The following PSMA8 variants were observed in gnomAD, a reference collection of about 807,000 sequenced individuals.
PSMA8 encodes proteasome 20S subunit alpha 8.
A neutral mutation model predicts 32.4 loss-of-function variants in PSMA8; 18 were observed. The observed-to-expected ratio is 0.56, with a 90% CI of 0.38 to 0.82. The LOEUF is 0.82. Among genes scored for constraint, PSMA8 ranks in the 40% least tolerant of loss-of-function variants. The probability of loss-of-function intolerance (pLI) is 0.00; values close to 1 mark genes in which losing one functional copy is unlikely to be tolerated. For missense variants in PSMA8, 298 were observed against 300.7 expected, an observed-to-expected ratio of 0.99 and a Z score of 0.07; for synonymous variants, 104 against 98.1, an observed-to-expected ratio of 1.06 and a Z score of -0.36.
chr18:26,171,391 T>C, intron 4 of PSMA8: 1 of 1,194,034 alleles, frequency 8.4e-7, no homozygotes. Context: ...AGCAGACTAA[T>C]ATAACGTGTA....
At chr18:26,164,787 TTAGA>T (rs569262810) in intron 4 of PSMA8, among the ~76,000 whole-genome samples, 91 of 152,332 alleles carry the variant, frequency 6.0e-4, no homozygotes, top group African/African-American at 1.9e-3. Flanking sequence ...GGATTGTATA[TTAGA>T]TAATGTTGTG....
rs534639436 is a variant in PSMA8, at chr18:26,186,248, C to CAAA, written c.661-6044_661-6042dup. Among the ~76,000 whole-genome samples the CAAA allele has an allele frequency of 4.0e-4, 11 of 27,842 alleles. 3 individuals carry two copies. Among genetic ancestry groups the CAAA allele is most frequent in the African/African-American group, 3.4e-4 (5 of 14,792 alleles). 18.3% of individuals were successfully genotyped at this position (27,842 alleles called of 152,430 possible). ...TGGGCAACACAGGGAGACTCTGTCTCAAAAAAAAAAAAAAAAAAAAAAAAA... is the reference window on the plus strand; with the variant it reads ...TGGGCAACACAGGGAGACTCTGTCTCAAAAAAAAAAAAAAAAAAAAAAAAAAAA... On this transcript the variant is annotated intron_variant, in intron 6 of 6. Coordinates refer to ENST00000415576, the MANE Select transcript of PSMA8 (RefSeq NM_001025096.2).
intron 4 of PSMA8, among the ~76,000 whole-genome samples, chr18:26,161,574 G>A (rs528157770): frequency 1.1e-4 from 17 of 152,290 alleles, no homozygotes; most frequent in African/African-American, 3.1e-4. Flanking sequence ...TACTATGATG[G>A]TGAAGAAAGC....
chr18:26,171,235 C>G lies in PSMA8; in HGVS notation c.478-7595C>G, dbSNP rs1243885406. The G allele has an allele frequency of 7.4e-5, 115 of 1,558,982 alleles. 9 individuals are homozygous for G. The highest frequency in any genetic ancestry group is 9.1e-5 in the Non-Finnish European group (107 of 1,170,568). Reference sequence around the variant, plus strand: ...GGCCAGGGCAGGTCCCCGTTCTTGCCGATGCCCATGTTCTGGGACACAGCG... The same window carrying G: ...GGCCAGGGCAGGTCCCCGTTCTTGCGGATGCCCATGTTCTGGGACACAGCG... On this transcript the variant is annotated intron_variant, in intron 4 of 6. Transcript: ENST00000415576.
At chr18:26,186,206 G>T (rs12327092) in intron 6 of PSMA8, among the ~76,000 whole-genome samples, 3 of 124,468 alleles carry the variant, frequency 2.4e-5, no homozygotes, top group African/African-American at 9.1e-5. Context: ...CTGAGATCAC[G>T]CCACTGCACT....
chr18:26,144,925 T>G (rs1679092004), intron 2 of PSMA8, among the ~76,000 whole-genome samples: 1 of 152,058 alleles, frequency 6.6e-6, no homozygotes, highest in Non-Finnish European at 1.5e-5. Flanking sequence ...TTTTCAAAAC[T>G]TTTTATTTTT....
In PSMA8 at chr18:26,191,947, C is replaced by T. The variant is rs183396851; in HGVS notation, c.661-372C>T. Among the ~76,000 whole-genome samples the T allele has an allele frequency of 9.2e-5, 14 of 152,196 alleles. No homozygotes were observed. In the East Asian group the frequency reaches 2.1e-3, roughly 23 times the overall value. On this transcript the variant is annotated intron_variant, in intron 6 of 6. Transcript: ENST00000415576. ...CTATAAACTGATCAAATTATTAAAC[C>T]CTATCAGAGAATCACACAGTAGGGT...
rs757958686 is a variant in PSMA8, at chr18:26,151,901, G to A, written c.273G>A (p.Val91=). Residue 91 remains valine (V), a synonymous_variant, in exon 3 of 7, where the codon GTG becomes GTA. Transcript: ENST00000415576. ...DARVVINRAR[V]ECQSHKLTVE... ...GAGTAGTAATAAACAGAGCCCGTGT[G>A]GAGTGCCAGAGCCATAAGCTTACGG... The A allele has an allele frequency of 1.5e-4, 240 of 1,611,900 alleles. No homozygotes were observed. The highest frequency in any genetic ancestry group is 2.0e-4 in the Non-Finnish European group (232 of 1,179,126).
chr18:26,176,275 C>T (rs536300514), intron 4 of PSMA8, among the ~76,000 whole-genome samples: 15 of 152,172 alleles, frequency 9.9e-5, no homozygotes, highest in South Asian at 2.1e-4. Context: ...ACTTTAAAGG[C>T]CCAGTGAAGT....
intron 4 of PSMA8, among the ~76,000 whole-genome samples, chr18:26,167,248 C>T (rs1278102460): frequency 6.6e-6 from 1 of 152,108 alleles, no homozygotes; most frequent in Non-Finnish European, 1.5e-5. Context: ...ATATTCCTCC[C>T]TTTTCTAACT....
At chr18:26,166,128 A>G (rs920020704) in intron 4 of PSMA8, among the ~76,000 whole-genome samples, 1 of 152,056 alleles carries the variant, frequency 6.6e-6, no homozygotes, top group African/African-American at 2.4e-5. Flanking sequence ...AAAGAAAAGA[A>G]AAGAAAAACT....
intron 4 of PSMA8, among the ~76,000 whole-genome samples, chr18:26,173,120 A>G (rs1181019252): frequency 6.6e-6 from 1 of 152,090 alleles, no homozygotes; most frequent in Admixed American, 6.5e-5. Context: ...CTTGCCTCCC[A>G]AGTAAGTCAG....
Position 26,192,364 on chromosome 18 carries a change from A to C in PSMA8, c.706A>C (p.Lys236Gln), listed in dbSNP as rs757109763. 1.3e-6 allele frequency: 2 copies of C among 1,520,446 alleles called. No homozygotes were observed. The highest frequency in any genetic ancestry group is 2.7e-5 in the South Asian group (2 of 72,950). The allele number at this position is 1,520,446 out of a possible 1,614,324, so 94.2% of individuals were successfully genotyped here. A position where few individuals can be genotyped will look rare whatever the true frequency, so the allele number is the denominator to read the frequency against. Residue 236 changes from lysine (K) to glutamine (Q), a missense_variant, in exon 7 of 7, where the codon AAG (lysine) becomes CAG (glutamine). Lys to Gln is a moderately conservative substitution (Grantham distance 53). Transcript: ENST00000415576. ...EVELYVTEIE[K>Q]EKEEAEKKKS... ...TGAATTATATGTAACTGAAATAGAAAAGGAAAAGGAAGAAGCAGAGAAGAA... is the reference window on the plus strand; with the variant it reads ...TGAATTATATGTAACTGAAATAGAACAGGAAAAGGAAGAAGCAGAGAAGAA...
chr18:26,182,856 C>T (rs1260306887), intron 6 of PSMA8, among the ~76,000 whole-genome samples: 2 of 151,874 alleles, frequency 1.3e-5, no homozygotes, highest in Admixed American at 1.3e-4. Flanking sequence ...TTTGGGAGGC[C>T]GGAGGCAGGT....
In PSMA8 at chr18:26,135,158, G is replaced by A. The variant is rs117727499; in HGVS notation, c.102+1091G>A. Among the ~76,000 whole-genome samples, 1,389 of 152,216 alleles carry A rather than the reference G, an allele frequency of 9.1e-3. 15 individuals carry two copies. The highest frequency in any genetic ancestry group is 0.012 in the Non-Finnish European group (814 of 68,024). ...AGGGTAGGAGTAATACTGCTGCCAA[G>A]TTTTAACTACGTTCAATAATTTTAG... On this transcript the variant is annotated intron_variant, in intron 1 of 6. Coordinates refer to ENST00000415576, the MANE Select transcript of PSMA8 (RefSeq NM_001025096.2).
intron 4 of PSMA8, among the ~76,000 whole-genome samples, chr18:26,165,833 C>T (rs1206991204): frequency 3.3e-5 from 5 of 152,148 alleles, no homozygotes; most frequent in African/African-American, 9.7e-5. Context: ...TGGTGGCTCA[C>T]ACCTGTAATC....
chr18:26,176,675 G>A (rs1172272435), intron 4 of PSMA8, among the ~76,000 whole-genome samples: 3 of 152,160 alleles, frequency 2.0e-5, no homozygotes, highest in Non-Finnish European at 4.4e-5. Context: ...GCTCACACCT[G>A]TAATCTCAGC....
At chr18:26,134,346 T>G (rs1022824966) in intron 1 of PSMA8, among the ~76,000 whole-genome samples, 1 of 134,416 alleles carries the variant, frequency 7.4e-6, no homozygotes, top group East Asian at 2.0e-4. Flanking sequence ...TGTGGGTGTG[T>G]GTGTGTGTGT....
At chr18:26,139,858 T>C (rs1349062088) in intron 1 of PSMA8, among the ~76,000 whole-genome samples, 8 of 152,294 alleles carry the variant, frequency 5.3e-5, no homozygotes, top group Admixed American at 1.3e-4. Context: ...AAAATTAAGA[T>C]AAAAGAGACT....
Sources: allele counts gnomAD v4.1 joint callset (sites outside exome capture counted in the v4.1 genomes callset), GRCh38; gene constraint gnomAD v4.1.1; transcripts MANE v1.5; gene names NCBI Gene and HGNC (gene_info 2026-07-23, HGNC 2026-07-21).